Variants in STXBP5L observed in about 807,000 individuals in gnomAD.
The protein encoded by STXBP5L is syntaxin binding protein 5L.
A neutral mutation model predicts 144.5 loss-of-function variants in STXBP5L; 65 were observed. The ratio of observed to expected loss-of-function variants is 0.45; its 90% CI spans 0.37 to 0.55. The LOEUF is 0.55. Among genes scored for constraint, STXBP5L ranks in the 20% least tolerant of loss-of-function variants. STXBP5L has a pLI of 0.00. For missense variants in STXBP5L, 1,298 were observed against 1,405.5 expected (o/e 0.92, Z 1.22); for synonymous variants, 505 against 469.6 (o/e 1.08, Z -0.97).
chr3:121,030,921 T>A (rs1275204466), intron 3 of STXBP5L, among the ~76,000 whole-genome samples: 18 of 152,106 alleles, frequency 1.2e-4, no homozygotes, highest in Non-Finnish European at 8.8e-5. Context: ...GGTAACTTAC[T>A]GGGAGAGCTG....
At chr3:121,392,786 T>TGC (rs2046625599) in intron 22 of STXBP5L, among the ~76,000 whole-genome samples, 1 of 140,826 alleles carries the variant, frequency 7.1e-6, no homozygotes. Flanking sequence ...TATATATATA[T>TGC]ATATATATAT....
intron 19 of STXBP5L, among the ~76,000 whole-genome samples, chr3:121,296,734 G>T (rs2051666200): frequency 1.3e-5 from 2 of 152,166 alleles, no homozygotes; most frequent in Admixed American, 6.5e-5. Context: ...AATAGCCAGT[G>T]AGGTTTAATG....
At chr3:120,929,170 G>A (rs995187656) in intron 2 of STXBP5L, among the ~76,000 whole-genome samples, 1 of 152,110 alleles carries the variant, frequency 6.6e-6, no homozygotes. Flanking sequence ...AGGGAGCTGC[G>A]GAAGTTAGGG....
rs2050117998 is a variant in STXBP5L at position 121,253,820 on chromosome 3, T to TC, written c.1442-1075_1442-1074insC. Among the ~76,000 whole-genome samples the TC allele has an allele frequency of 4.2e-5, 6 of 143,882 alleles. 1 individual carries two copies. The South Asian group carries it at 1.3e-3, about 32-fold the overall frequency. 94.4% of individuals were successfully genotyped at this position (143,882 alleles called of 152,430 possible). On this transcript the variant is annotated intron_variant, in intron 15 of 26. Coordinates refer to ENST00000471454, the MANE Select transcript of STXBP5L (RefSeq NM_001308330.2). The stretch of plus-strand genomic sequence containing the variant: ...TAATTTTTTTTTTTTCTTTTTTTTT[T>TC]TTTTTTGTATTTTTAGTAGAGACGG...
At position 120,961,465 on chromosome 3, in the gene STXBP5L, G is replaced by A. The variant is rs116101321; in HGVS notation, c.287+6428G>A. Among the ~76,000 whole-genome samples, 479 of 151,654 alleles carry A rather than the reference G, an allele frequency of 3.2e-3. 5 individuals are homozygous for A. Among genetic ancestry groups the A allele is most frequent in the African/African-American group, 0.011 (446 of 41,392 alleles). On this transcript the variant is annotated intron_variant, in intron 3 of 26. Coordinates refer to ENST00000471454, the MANE Select transcript of STXBP5L (RefSeq NM_001308330.2). ...GAGGCCCCAGTGTGTGATGTTCCCCGCCCCGTGTGTGAGTGATCTCATTGT... is the reference window on the plus strand; with the variant it reads ...GAGGCCCCAGTGTGTGATGTTCCCCACCCCGTGTGTGAGTGATCTCATTGT...
intron 19 of STXBP5L, among the ~76,000 whole-genome samples, chr3:121,286,452 A>G (rs2051236129): frequency 6.6e-6 from 1 of 152,286 alleles, no homozygotes; most frequent in Middle Eastern, 3.4e-3. Context: ...TGTGTCAAAC[A>G]TTTTTCTAGG....
chr3:121,275,251 T>C (rs1036718360), intron 18 of STXBP5L, among the ~76,000 whole-genome samples: 3 of 152,188 alleles, frequency 2.0e-5, no homozygotes, highest in African/African-American at 7.2e-5. Flanking sequence ...CTATATATTT[T>C]ACAATCATGT....
chr3:121,152,853 G>T (rs2045978471), intron 8 of STXBP5L, among the ~76,000 whole-genome samples: 1 of 152,024 alleles, frequency 6.6e-6, no homozygotes, highest in Non-Finnish European at 1.5e-5. Context: ...CCTGTCACCT[G>T]TACTATATCC....
chr3:121,193,536 G>T (rs2047793362), intron 9 of STXBP5L, among the ~76,000 whole-genome samples: 1 of 152,060 alleles, frequency 6.6e-6, no homozygotes, highest in African/African-American at 2.4e-5. Flanking sequence ...TGTTTATTGT[G>T]GCACTACTCA....
chr3:121,371,403 C>T (rs1269460517), intron 20 of STXBP5L, among the ~76,000 whole-genome samples: 1 of 152,238 alleles, frequency 6.6e-6, no homozygotes, highest in East Asian at 1.9e-4. Context: ...CCAGAGTGTC[C>T]TGGCCACTGG....
intron 5 of STXBP5L, among the ~76,000 whole-genome samples, chr3:121,065,585 T>G (rs1220667313): frequency 6.6e-6 from 1 of 152,114 alleles, no homozygotes; most frequent in Non-Finnish European, 1.5e-5. Flanking sequence ...TTAAAAATGT[T>G]TTTTCAGAGA....
At chr3:121,311,378 CTTTA>C (rs2043521350) in intron 19 of STXBP5L, among the ~76,000 whole-genome samples, 1 of 152,060 alleles carries the variant, frequency 6.6e-6, no homozygotes, top group African/African-American at 2.4e-5. Context: ...TTTATTGTGG[CTTTA>C]TTTAGTATAG....
intron 9 of STXBP5L, among the ~76,000 whole-genome samples, chr3:121,192,049 A>C (rs562942766): frequency 6.6e-6 from 1 of 152,284 alleles, no homozygotes; most frequent in South Asian, 2.1e-4. Context: ...TACATATGTA[A>C]CAAACCTGCA....
intron 18 of STXBP5L, among the ~76,000 whole-genome samples, chr3:121,262,881 G>A (rs979602088): frequency 6.6e-6 from 1 of 152,222 alleles, no homozygotes; most frequent in African/African-American, 2.4e-5. Flanking sequence ...AGGGGTGGCT[G>A]TGGGCACAGT....
chr3:121,330,954 G>C (rs546679615), intron 20 of STXBP5L, among the ~76,000 whole-genome samples: 1 of 152,172 alleles, frequency 6.6e-6, no homozygotes, highest in Non-Finnish European at 1.5e-5. Context: ...ACCTGCTGCT[G>C]GGAGACTTGA....
intron 19 of STXBP5L, among the ~76,000 whole-genome samples, chr3:121,282,915 A>C (rs1192372833): frequency 6.6e-6 from 1 of 152,042 alleles, no homozygotes; most frequent in Non-Finnish European, 1.5e-5. Context: ...TAAACAAATA[A>C]ATAATATCAA....
chr3:121,394,463 T>C (rs2046675043), intron 22 of STXBP5L, among the ~76,000 whole-genome samples: 1 of 152,060 alleles, frequency 6.6e-6, no homozygotes, highest in Non-Finnish European at 1.5e-5. Flanking sequence ...GTGGTGAAAG[T>C]ATACATCCTT....
intron 19 of STXBP5L, among the ~76,000 whole-genome samples, chr3:121,281,559 A>G (rs750999308): frequency 3.9e-5 from 6 of 152,084 alleles, no homozygotes; most frequent in Non-Finnish European, 8.8e-5. Flanking sequence ...AAAAGCACCA[A>G]TATAATCAGA....
chr3:121,300,935 G>A (rs2051872671), intron 19 of STXBP5L, among the ~76,000 whole-genome samples: 1 of 151,994 alleles, frequency 6.6e-6, no homozygotes, highest in South Asian at 2.1e-4. Context: ...AACATAAATA[G>A]GTTGATTACT....
Sources: gnomAD v4.1 joint callset for allele counts (sites outside exome capture counted in the v4.1 genomes callset) on GRCh38, gnomAD v4.1.1 for gene constraint, MANE v1.5 for transcripts, NCBI Gene and HGNC (gene_info 2026-07-23, HGNC 2026-07-21) for gene names.